Variants in PCDHA3 observed in about 807,000 individuals in gnomAD.
PCDHA3 encodes the protein protocadherin alpha-3.
A neutral mutation model predicts 62.2 loss-of-function variants in PCDHA3; 41 were observed. The ratio of observed to expected loss-of-function variants is 0.66; its 90% CI spans 0.51 to 0.86. The LOEUF is 0.86. Among genes scored for constraint, PCDHA3 ranks in the 40% least tolerant of loss-of-function variants. The pLI is 0.00. For missense variants in PCDHA3, 1,304 were observed against 1,241.2 expected, an observed-to-expected ratio of 1.05 and a Z score of -0.76; for synonymous variants, 640 against 555.4, an observed-to-expected ratio of 1.15 and a Z score of -2.14.
chr5:140,893,048 T>C (rs1462017776), intron 1 of PCDHA3, among the ~76,000 whole-genome samples: 1 of 152,250 alleles, frequency 6.6e-6, no homozygotes, highest in Non-Finnish European at 1.5e-5. Flanking sequence ...CCCTCCAGGC[T>C]CAGCCATACT....
At position 140,863,948 on chromosome 5, in the gene PCDHA3, C is replaced by T. The variant is rs782241873; in HGVS notation, c.2394+60357C>T. On this transcript the variant is annotated intron_variant, in intron 1 of 3. Transcript: ENST00000522353. ...CCTAGGAGGCAGAGGTTGCGGTGAG[C>T]CTAGATTAGGCCACTGCACTACAGC... is the stretch of plus-strand genomic sequence containing the variant. 1.5e-3 allele frequency: 237 copies of T among 158,844 alleles called. 8 individuals carry two copies. The highest frequency in any genetic ancestry group is 2.3e-3 in the Admixed American group (40 of 17,122). 9.8% of individuals were successfully genotyped at this position (158,844 alleles called of 1,614,324 possible). A position where few individuals can be genotyped will look rare whatever the true frequency, so the allele number is the denominator to read the frequency against.
At chr5:140,836,658 T>C (rs2150267080) in intron 1 of PCDHA3, 1 of 1,613,298 alleles carries the variant, frequency 6.2e-7, no homozygotes, top group South Asian at 1.1e-5. Flanking sequence ...GCAGAGGGTG[T>C]GCTCTGGGGA....
intron 1 of PCDHA3, chr5:140,829,434 T>C: frequency 6.2e-7 from 1 of 1,613,976 alleles, no homozygotes. Flanking sequence ...GTGGCCGACA[T>C]GAATGACAAT....
intron 1 of PCDHA3, chr5:140,807,079 T>G: frequency 2.4e-6 from 3 of 1,251,084 alleles, no homozygotes; most frequent in Non-Finnish European, 3.4e-6. Context: ...TATACACTCT[T>G]TGGAGTCTGA....
intron 1 of PCDHA3, chr5:140,883,145 T>C (rs2059462627): frequency 6.2e-7 from 1 of 1,613,988 alleles, no homozygotes; most frequent in Admixed American, 1.7e-5. Context: ...GGTATATGCA[T>C]TTACCATAAA....
At chr5:140,875,372 T>C in intron 1 of PCDHA3, 5 of 1,451,920 alleles carry the variant, frequency 3.4e-6, no homozygotes, top group Non-Finnish European at 4.5e-6. Flanking sequence ...AAAAATTTAC[T>C]AAATATGTAC....
rs201937079 is a variant in PCDHA3 at position 140,870,716 on chromosome 5, A to G, written c.2394+67125A>G. 15 of 1,613,024 alleles carry G rather than the reference A, an allele frequency of 9.3e-6. No individual in the cohort carries two copies. The highest frequency in any genetic ancestry group is 1.2e-5 in the Non-Finnish European group (14 of 1,179,860). On this transcript the variant is annotated intron_variant, in intron 1 of 3. Coordinates refer to ENST00000522353, the MANE Select transcript of PCDHA3 (RefSeq NM_018906.3). ...CTACAGTTCCAGGTGAGCGCGCGCG[A>G]TGCGGGCGTGCCGCCTCTGAGCAGC... is the stretch of plus-strand genomic sequence containing the variant.
At chr5:140,816,534 G>A (rs1169931447) in intron 1 of PCDHA3, 1 of 123,670 alleles carries the variant, frequency 8.1e-6, no homozygotes, top group Non-Finnish European at 1.8e-5. Flanking sequence ...TGTGTGTGTG[G>A]GCACGCACTA....
intron 2 of PCDHA3, among the ~76,000 whole-genome samples, chr5:140,979,467 ATTG>A (rs1219222898): frequency 6.6e-6 from 1 of 151,680 alleles, no homozygotes; most frequent in Non-Finnish European, 1.5e-5. Context: ...ATTGATTGCT[ATTG>A]TTGTTTGTGT....
Position 140,952,580 on chromosome 5 carries a change from A to G in PCDHA3, c.2395-26369A>G, listed in dbSNP as rs538999222. ...ATCAGCACTTCGGTCCCAATCATTCAAGTAGTCTCTAGGAAGTTCTAAGCT... is the reference window on the plus strand; with the variant it reads ...ATCAGCACTTCGGTCCCAATCATTCGAGTAGTCTCTAGGAAGTTCTAAGCT... On this transcript the variant is annotated intron_variant, in intron 1 of 3. Transcript: ENST00000522353. Among the ~76,000 whole-genome samples the G allele has an allele frequency of 2.0e-4, 30 of 152,248 alleles. No homozygotes were observed. In the South Asian group the frequency reaches 2.3e-3, roughly 12 times the overall value.
At chr5:140,850,482 G>A (rs2150486061) in intron 1 of PCDHA3, 3 of 1,598,110 alleles carry the variant, frequency 1.9e-6, no homozygotes, top group Non-Finnish European at 2.6e-6. Context: ...GACGGCCACG[G>A]CCACTGTGCT....
intron 1 of PCDHA3, among the ~76,000 whole-genome samples, chr5:140,833,300 C>T (rs1475529719): frequency 1.3e-5 from 2 of 152,266 alleles, no homozygotes; most frequent in Admixed American, 6.5e-5. Context: ...TGAATACAGA[C>T]ATAATTATTT....
chr5:140,869,424 G>A, intron 1 of PCDHA3: 2 of 1,614,216 alleles, frequency 1.2e-6, no homozygotes, highest in African/African-American at 2.7e-5. Context: ...TCCACCTGGA[G>A]GTGATCGTGG....
intron 1 of PCDHA3, among the ~76,000 whole-genome samples, chr5:140,905,354 A>T (rs926429746): frequency 3.3e-5 from 5 of 152,030 alleles, no homozygotes; most frequent in Non-Finnish European, 5.9e-5. Context: ...TAAGTATTTG[A>T]CTATATTTCT....
intron 1 of PCDHA3, chr5:140,816,268 T>C (rs1765873887): frequency 3.9e-5 from 6 of 152,238 alleles, no homozygotes; most frequent in Admixed American, 3.9e-4. Context: ...GACTCATTCT[T>C]CTACTTGATT....
intron 1 of PCDHA3, among the ~76,000 whole-genome samples, chr5:140,975,398 TCA>T (rs1554236785): frequency 1.3e-4 from 20 of 152,270 alleles, no homozygotes. Flanking sequence ...TCCATCACAA[TCA>T]CAGTCTTGGA....
At position 140,829,995 on chromosome 5, in the gene PCDHA3, G is replaced by C. The variant is rs1297305883; in HGVS notation, c.2394+26404G>C. On this transcript the variant is annotated intron_variant, in intron 1 of 3. Transcript: ENST00000522353. ...TACACGGGCGAGATCAGCACCACTCGTGTCCTGGACGAAGCGGACTCTCCG... is the reference window on the plus strand; with the variant it reads ...TACACGGGCGAGATCAGCACCACTCCTGTCCTGGACGAAGCGGACTCTCCG... 2 of 1,613,982 alleles carry C rather than the reference G, an allele frequency of 1.2e-6. No homozygotes were observed. The highest frequency in any genetic ancestry group is 3.3e-5 in the Admixed American group (2 of 60,034).
At chr5:140,857,353 G>A (rs1197611806) in intron 1 of PCDHA3, 1 of 1,598,220 alleles carries the variant, frequency 6.3e-7, no homozygotes, top group African/African-American at 1.3e-5. Flanking sequence ...CTCCGCTGTG[G>A]GCCACGGCCA....
intron 1 of PCDHA3, chr5:140,967,061 C>T: frequency 6.2e-7 from 1 of 1,612,886 alleles, no homozygotes; most frequent in Non-Finnish European, 8.5e-7. Context: ...GAGTGGAGCG[C>T]TCTTCGTCAA....
Sources: allele counts gnomAD v4.1 joint callset (sites outside exome capture counted in the v4.1 genomes callset), GRCh38; gene constraint gnomAD v4.1.1; transcripts MANE v1.5; gene names NCBI Gene and HGNC (gene_info 2026-07-23, HGNC 2026-07-21).